The following MAGEE1 variants were observed in gnomAD, a reference collection of about 807,000 sequenced individuals.
MAGEE1 encodes the protein melanoma-associated antigen E1.
MAGEE1 carries 3 observed loss-of-function variants against 12.0 expected under a neutral mutation model. The observed-to-expected ratio is 0.25, with a 90% CI of 0.11 to 0.65. The LOEUF is 0.65. MAGEE1 is among the 30% of genes least tolerant of loss of function. The pLI, the probability that MAGEE1 is intolerant of heterozygous loss-of-function variation, is 0.84. For synonymous variants in MAGEE1, 414 were observed against 326.1 expected (o/e 1.27, Z -2.91); for missense variants, 729 against 772.2 (o/e 0.94, Z 0.66).
chrX:76,429,413 G>A lies in MAGEE1; in HGVS notation c.1483G>A (p.Val495Ile). 3 of 1,211,981 alleles carry A rather than the reference G, an allele frequency of 2.5e-6. No homozygotes were observed. The African/African-American group carries it at 5.2e-5, about 21-fold the overall frequency. The change falls in exon 1 of 1, where the codon GTA becomes ATA. Residue 495 changes from valine to isoleucine, a missense_variant. By Grantham distance (29) the Val-to-Ile change is conservative (BLOSUM62 3). Coordinates refer to ENST00000361470, the MANE Select transcript of MAGEE1 (RefSeq NM_020932.3). ...LKPQDPMEQNVAELLQFLLVK... is the reference protein window; with the variant it reads ...LKPQDPMEQNIAELLQFLLVK... ...GCCCCAAGACCCTATGGAACAGAACGTAGCTGAGCTGTTGCAGTTCCTGCT... is the reference window on the plus strand; with the variant it reads ...GCCCCAAGACCCTATGGAACAGAACATAGCTGAGCTGTTGCAGTTCCTGCT...
rs782113948 is a variant in MAGEE1, at chrX:76,428,173, G to A, written c.243G>A (p.Pro81=). Residue 81 remains proline, a synonymous_variant, in exon 1 of 1, where the codon CCG becomes CCA. Coordinates refer to ENST00000361470, the MANE Select transcript of MAGEE1 (RefSeq NM_020932.3). ...TSAEGPSTFV[P]PTISEASSAS... ...CTGAGGGCCCAAGCACCTTTGTGCCGCCCACCATCTCTGAGGCCTCAAGCG... is the reference window on the plus strand; with the variant it reads ...CTGAGGGCCCAAGCACCTTTGTGCCACCCACCATCTCTGAGGCCTCAAGCG... 5.8e-6 allele frequency: 7 copies of A among 1,207,432 alleles called. No homozygotes were observed. The Admixed American group carries it at 8.8e-5, about 15-fold the overall frequency.
Position 76,430,547 on chromosome X carries a change from G to A in MAGEE1, c.2617G>A (p.Val873Met). The A allele has an allele frequency of 2.5e-6, 3 of 1,210,788 alleles. No individual in the cohort carries two copies. Among genetic ancestry groups the A allele is most frequent in the South Asian group, 1.8e-5 (1 of 56,757 alleles). ...GLGVQAGRKH[V>M]ITCRYLSQRY... ...AGGGGTTCAAGCTGGGAGAAAGCAT[G>A]TGATTACCTGCAGATACTTGAGTCA... Residue 873 changes from valine (V) to methionine (M), a missense_variant, in exon 1 of 1, where the codon GTG becomes ATG. By Grantham distance (21) the Val-to-Met change is conservative. This residue lies in a region of MAGEE1 where 101 missense variants were observed against 161.3 expected (regional missense o/e 0.63). Transcript: ENST00000361470.
chrX:76,429,300 T>C lies in MAGEE1; in HGVS notation c.1370T>C (p.Ile457Thr). The change falls in exon 1 of 1, where the codon ATA (isoleucine) becomes ACA (threonine). Residue 457 changes from isoleucine (I) to threonine (T), a missense_variant. Ile to Thr is a moderately conservative substitution (Grantham distance 89, BLOSUM62 -1). This residue lies in a region of MAGEE1 where 473 missense variants were observed against 423.7 expected (regional missense o/e 1.12). Transcript: ENST00000361470. The part of the protein sequence containing the change: ...SEGPKGAEGP[I>T]EFEVLRDCES... ...GGTCCTAAGGGTGCAGAAGGCCCTATAGAATTCGAGGTCCTGAGAGACTGT... is the reference window on the plus strand; with the variant it reads ...GGTCCTAAGGGTGCAGAAGGCCCTACAGAATTCGAGGTCCTGAGAGACTGT... The C allele has an allele frequency of 8.3e-7, 1 of 1,211,262 alleles. No homozygotes were observed. Among genetic ancestry groups the C allele is most frequent in the Non-Finnish European group, 1.1e-6 (1 of 895,315 alleles).
In MAGEE1 at chrX:76,430,726, G is replaced by A; in HGVS notation, c.2796G>A (p.Gln932=). ...HRKEPQDWPQ[Q]YREAMEDEAN... ...AGGAACCACAGGACTGGCCACAGCA[G>A]TACAGGGAGGCAATGGAAGATGAGG... The change falls in exon 1 of 1, where the codon CAG becomes CAA. Residue 932 remains glutamine, a synonymous_variant. Transcript: ENST00000361470. 1 of 1,211,267 alleles carries A rather than the reference G, an allele frequency of 8.3e-7. No individual in the cohort carries two copies. The highest frequency in any genetic ancestry group is 1.1e-6 in the Non-Finnish European group (1 of 895,338).
In MAGEE1 at chrX:76,430,016, G is replaced by T; in HGVS notation, c.2086G>T (p.Ala696Ser). The change falls in exon 1 of 1, where the codon GCC becomes TCC. Residue 696 changes from alanine to serine, a missense_variant. By Grantham distance (99) the Ala-to-Ser change is moderately conservative. This residue lies in a region of MAGEE1 where 64 missense variants were observed against 53.4 expected (regional missense o/e 1.20). Transcript: ENST00000361470. ...KYNEALEEDA[A>S]RAFAEGWQAL... ...CAACGAAGCTCTGGAAGAAGATGCTGCCAGAGCCTTTGCTGAGGGTTGGCA... is the reference window on the plus strand; with the variant it reads ...CAACGAAGCTCTGGAAGAAGATGCTTCCAGAGCCTTTGCTGAGGGTTGGCA... The T allele has an allele frequency of 2.5e-6, 3 of 1,209,412 alleles. No homozygotes were observed. Among genetic ancestry groups the T allele is most frequent in the Non-Finnish European group, 3.4e-6 (3 of 894,188 alleles).
At position 76,427,972 on chromosome X, in the gene MAGEE1, C is replaced by A; in HGVS notation, c.42C>A (p.Arg14=). The change falls in exon 1 of 1, where the codon CGC becomes CGA. Residue 14 remains arginine (R), a synonymous_variant. Coordinates refer to ENST00000361470, the MANE Select transcript of MAGEE1 (RefSeq NM_020932.3). ...VSQNSRRRRR[R]VAKATAHNSS... is the part of the protein sequence containing the mutation. ...AGAATTCGCGCCGCCGCCGCCGCCG[C>A]GTTGCAAAGGCTACTGCGCACAACA... The A allele has an allele frequency of 8.3e-7, 1 of 1,204,474 alleles. No individual in the cohort carries two copies. Among genetic ancestry groups the A allele is most frequent in the Non-Finnish European group, 1.1e-6 (1 of 892,959 alleles).
At position 76,428,605 on chromosome X, in the gene MAGEE1, G is replaced by T; in HGVS notation, c.675G>T (p.Gln225His). 8.3e-7 allele frequency: 1 copy of T among 1,208,416 alleles called. No individual in the cohort carries two copies. Among genetic ancestry groups the T allele is most frequent in the Non-Finnish European group, 1.1e-6 (1 of 894,490 alleles). The change falls in exon 1 of 1, where the codon CAG (glutamine) becomes CAT (histidine). Residue 225 changes from glutamine to histidine, a missense_variant. By Grantham distance (24) the Gln-to-His change is conservative. Coordinates refer to ENST00000361470, the MANE Select transcript of MAGEE1 (RefSeq NM_020932.3). Reference sequence around the variant, plus strand: ...CTGAGGGCCTGAGCACCTCCGTGCAGGCCACTCCTGATGAGGGACCGAGCA... The same window carrying T: ...CTGAGGGCCTGAGCACCTCCGTGCATGCCACTCCTGATGAGGGACCGAGCA... ...AATEGLSTSVQATPDEGPSTS... is the reference protein window; with the variant it reads ...AATEGLSTSVHATPDEGPSTS...
In MAGEE1 at chrX:76,428,323, C is replaced by G; in HGVS notation, c.393C>G (p.Ala131=). Residue 131 remains alanine, a synonymous_variant, in exon 1 of 1, where the codon GCC becomes GCG. Coordinates refer to ENST00000361470, the MANE Select transcript of MAGEE1 (RefSeq NM_020932.3). ...GGCTGTGCACCTCTGTGACGCTTGC[C>G]GCCTCTGAGGGCCGGAACACCTCCA... ...SKGLCTSVTL[A]ASEGRNTSRP... The G allele has an allele frequency of 1.1e-5, 13 of 1,211,364 alleles. No homozygotes were observed. Among genetic ancestry groups the G allele is most frequent in the Non-Finnish European group, 1.5e-5 (13 of 895,359 alleles).
chrX:76,430,865 G>A lies in MAGEE1; in HGVS notation c.*61G>A, dbSNP rs1602245176. 1 of 228,967 alleles carries A rather than the reference G, an allele frequency of 4.4e-6. No individual in the cohort carries two copies. Among genetic ancestry groups the A allele is most frequent in the South Asian group, 1.0e-4 (1 of 9,780 alleles). The allele number at this position is 228,967 out of a possible 1,213,427, so 18.9% of individuals were successfully genotyped here. A position where few individuals can be genotyped will look rare whatever the true frequency, so the allele number is the denominator to read the frequency against. ...GGGGCCTTTGAGCCTCAGTTCTCATGTATTGGGGGGTGGGGGTGGGTACAT... is the reference window on the plus strand; with the variant it reads ...GGGGCCTTTGAGCCTCAGTTCTCATATATTGGGGGGTGGGGGTGGGTACAT... On this transcript the variant is annotated 3_prime_UTR_variant, in exon 1 of 1. Transcript: ENST00000361470.
In MAGEE1 at chrX:76,430,305, G is replaced by A. The variant is rs782563866; in HGVS notation, c.2375G>A (p.Arg792His). Residue 792 changes from arginine to histidine, a missense_variant, in exon 1 of 1, where the codon CGC becomes CAC. By Grantham distance (29) the Arg-to-His change is conservative. Transcript: ENST00000361470. ...CCTGACCTCCTGAATCGTGCTGCCC[G>A]CACCCTGAACCATGTCTATGGGACA... ...VFPDLLNRAA[R>H]TLNHVYGTEL... 5 of 1,210,220 alleles carry A rather than the reference G, an allele frequency of 4.1e-6. No homozygotes were observed. Among genetic ancestry groups the A allele is most frequent in the Admixed American group, 2.2e-5 (1 of 45,871 alleles).
At position 76,430,881 on chromosome X, in the gene MAGEE1, G is replaced by A; in HGVS notation, c.*77G>A. 2.0e-6 allele frequency: 1 copy of A among 493,927 alleles called. No individual in the cohort carries two copies. Among genetic ancestry groups the A allele is most frequent in the Non-Finnish European group, 3.1e-6 (1 of 325,735 alleles). The allele number at this position is 493,927 out of a possible 1,213,427, so 40.7% of individuals were successfully genotyped here. ...AGTTCTCATGTATTGGGGGGTGGGG[G>A]TGGGTACATATTGTATTTGGTATTT... On this transcript the variant is annotated 3_prime_UTR_variant, in exon 1 of 1. Coordinates refer to ENST00000361470, the MANE Select transcript of MAGEE1 (RefSeq NM_020932.3).
In MAGEE1 at chrX:76,428,040, C is replaced by A; in HGVS notation, c.110C>A (p.Pro37His). ...CAGGCCCCTAATGCCCCCGGTCTCCCCGCTGATGTGCCAGGCTCAGACGTC... is the reference window on the plus strand; with the variant it reads ...CAGGCCCCTAATGCCCCCGGTCTCCACGCTGATGTGCCAGGCTCAGACGTC... ...EMQAPNAPGLPADVPGSDVPQ... is the reference protein window; with the variant it reads ...EMQAPNAPGLHADVPGSDVPQ... Residue 37 changes from proline (P) to histidine (H), a missense_variant, in exon 1 of 1, where the codon CCC (proline) becomes CAC (histidine). This residue lies in a region of MAGEE1 where 473 missense variants were observed against 423.7 expected (regional missense o/e 1.12). Coordinates refer to ENST00000361470, the MANE Select transcript of MAGEE1 (RefSeq NM_020932.3). The A allele has an allele frequency of 8.4e-7, 1 of 1,186,012 alleles. No homozygotes were observed. Among genetic ancestry groups the A allele is most frequent in the Non-Finnish European group, 1.1e-6 (1 of 882,454 alleles).
chrX:76,428,827 C>T lies in MAGEE1; in HGVS notation c.897C>T (p.Thr299=), dbSNP rs781896922. The change falls in exon 1 of 1, where the codon ACC becomes ACT. Residue 299 remains threonine (T), a synonymous_variant. Transcript: ENST00000361470. ...GATCAAGCACCTCCGTGCCCCCCAC[C>T]GCCACCGAGGGCCTGAGCACCTCCG... ...GKGSSTSVPP[T]ATEGLSTSVQ... 74 of 1,207,467 alleles carry T rather than the reference C, an allele frequency of 6.1e-5. No individual in the cohort carries two copies. Among genetic ancestry groups the T allele is most frequent in the Non-Finnish European group, 7.8e-5 (70 of 894,122 alleles).
At position 76,430,132 on chromosome X, in the gene MAGEE1, A is replaced by G; in HGVS notation, c.2202A>G (p.Lys734=). 8.3e-7 allele frequency: 1 copy of G among 1,211,832 alleles called. No homozygotes were observed. The highest frequency in any genetic ancestry group is 1.1e-6 in the Non-Finnish European group (1 of 895,592). The change falls in exon 1 of 1, where the codon AAA becomes AAG. Residue 734 remains lysine, a synonymous_variant. Coordinates refer to ENST00000361470, the MANE Select transcript of MAGEE1 (RefSeq NM_020932.3). ...PDSEVSSYSS[K]YAPHSWPESR... Reference sequence around the variant, plus strand: ...CAGAGGTTTCCAGCTATTCCTCAAAATATGCCCCACATTCATGGCCTGAGT... The same window carrying G: ...CAGAGGTTTCCAGCTATTCCTCAAAGTATGCCCCACATTCATGGCCTGAGT...
chrX:76,428,667 C>A lies in MAGEE1; in HGVS notation c.737C>A (p.Thr246Asn), dbSNP rs41298484. 18,224 of 1,208,266 alleles carry A rather than the reference C, an allele frequency of 0.015. 117 individuals carry two copies. Among genetic ancestry groups the A allele is most frequent in the Non-Finnish European group, 0.017 (14,979 of 894,477 alleles). The change falls in exon 1 of 1, where the codon ACC becomes AAC. Residue 246 changes from threonine (T) to asparagine (N), a missense_variant. Around this residue, in one of 4 missense-constraint regions of MAGEE1, gnomAD observed 473 missense variants for 423.7 expected, o/e 1.12. Transcript: ENST00000361470. ...CCCACCGCCACTGAGGGCCTAAGCA[C>A]CCCCGTGCCACCCACCCGTGATGAG... ...VPPTATEGLSTPVPPTRDEGP... is the reference protein window; with the variant it reads ...VPPTATEGLSNPVPPTRDEGP...
Position 76,429,601 on chromosome X carries a change from C to T in MAGEE1, c.1671C>T (p.Thr557=), listed in dbSNP as rs925408165. Residue 557 remains threonine, a synonymous_variant, in exon 1 of 1, where the codon ACC becomes ACT. Coordinates refer to ENST00000361470, the MANE Select transcript of MAGEE1 (RefSeq NM_020932.3). ...GAGAACTTGACCCTGAGGCACACAC[C>T]TACATTCTGTTAAACAAACTGGGAC... is the stretch of plus-strand genomic sequence containing the variant. ...ELRELDPEAH[T]YILLNKLGPV... The T allele has an allele frequency of 4.1e-6, 5 of 1,211,234 alleles. No homozygotes were observed. The highest frequency in any genetic ancestry group is 5.6e-6 in the Non-Finnish European group (5 of 895,294).
At position 76,427,967 on chromosome X, in the gene MAGEE1, C is replaced by G. The variant is rs1198338301; in HGVS notation, c.37C>G (p.Arg13Gly). ...LVSQNSRRRR[R>G]RVAKATAHNS... Reference sequence around the variant, plus strand: ...AAGCCAGAATTCGCGCCGCCGCCGCCGCCGCGTTGCAAAGGCTACTGCGCA... The same window carrying G: ...AAGCCAGAATTCGCGCCGCCGCCGCGGCCGCGTTGCAAAGGCTACTGCGCA... The change falls in exon 1 of 1, where the codon CGC becomes GGC. Residue 13 changes from arginine (R) to glycine (G), a missense_variant. Physicochemically the swap from Arg to Gly is moderately radical, Grantham distance 125. This residue lies in a region of MAGEE1 where 473 missense variants were observed against 423.7 expected (regional missense o/e 1.12). Coordinates refer to ENST00000361470, the MANE Select transcript of MAGEE1 (RefSeq NM_020932.3). The G allele has an allele frequency of 1.7e-6, 2 of 1,202,470 alleles. No individual in the cohort carries two copies. The highest frequency in any genetic ancestry group is 1.7e-5 in the African/African-American group (1 of 57,265).
rs1275218523 is a variant in MAGEE1, at chrX:76,428,816, G to A, written c.886G>A (p.Val296Met). 8.3e-7 allele frequency: 1 copy of A among 1,207,458 alleles called. No individual in the cohort carries two copies. Among genetic ancestry groups the A allele is most frequent in the African/African-American group, 1.8e-5 (1 of 56,707 alleles). The part of the protein sequence containing the change: ...PTRGKGSSTS[V>M]PPTATEGLST... ...CCGCGGTAAGGGATCAAGCACCTCC[G>A]TGCCCCCCACCGCCACCGAGGGCCT... The change falls in exon 1 of 1, where the codon GTG becomes ATG. Residue 296 changes from valine to methionine, a missense_variant. Val to Met is a conservative substitution (Grantham distance 21). Around this residue, in one of 4 missense-constraint regions of MAGEE1, gnomAD observed 473 missense variants for 423.7 expected, o/e 1.12. Coordinates refer to ENST00000361470, the MANE Select transcript of MAGEE1 (RefSeq NM_020932.3).
At position 76,429,246 on chromosome X, in the gene MAGEE1, C is replaced by A. The variant is rs1556839631; in HGVS notation, c.1316C>A (p.Thr439Asn). The change falls in exon 1 of 1, where the codon ACC (threonine) becomes AAC (asparagine). Residue 439 changes from threonine (T) to asparagine (N), a missense_variant. Physicochemically the swap from Thr to Asn is moderately conservative, Grantham distance 65 (BLOSUM62 0). Coordinates refer to ENST00000361470, the MANE Select transcript of MAGEE1 (RefSeq NM_020932.3). ...CSLVLPSPRV[T>N]KASVDSDSEG... ...CTTGTTTTGCCAAGCCCTAGGGTAA[C>A]CAAGGCCTCCGTGGACTCAGATTCT... 1.7e-6 allele frequency: 2 copies of A among 1,211,729 alleles called. No homozygotes were observed. The highest frequency in any genetic ancestry group is 4.3e-5 in the Admixed American group (2 of 46,074).
Sources: allele counts gnomAD v4.1 joint callset, GRCh38; gene constraint gnomAD v4.1.1; regional missense constraint gnomAD v4.1.1; transcripts MANE v1.5; gene names NCBI Gene and HGNC (gene_info 2026-07-23, HGNC 2026-07-21).